SAMD15: variants seen among roughly 807,000 people sequenced by gnomAD.
SAMD15 encodes the protein sterile alpha motif domain containing 15.
Under a neutral mutation model 50.5 loss-of-function variants are expected in SAMD15, and 37 were observed. The ratio of observed to expected loss-of-function variants is 0.73; its 90% CI spans 0.56 to 0.96. The LOEUF (loss-of-function observed/expected upper bound fraction) is 0.96, where lower values mean the gene tolerates loss of function less well. Ranked by LOEUF, SAMD15 falls within the 40% of genes least tolerant of loss-of-function variation. The pLI, the probability that SAMD15 is intolerant of heterozygous loss-of-function variation, is 0.00. For synonymous variants in SAMD15, 255 were observed against 282.8 expected (o/e 0.90, Z 0.99); for missense variants, 789 against 783.8 (o/e 1.01, Z -0.08).
At chr14:77,385,349 G>T (rs770798979) in intron 2 of SAMD15, among the ~76,000 whole-genome samples, 1 of 150,912 alleles carries the variant, frequency 6.6e-6, no homozygotes, top group South Asian at 2.1e-4. Context: ...GCAATGGCGC[G>T]ATCTCGGCTC....
At position 77,378,595 on chromosome 14, in the gene SAMD15, G is replaced by A. The variant is rs146296291; in HGVS notation, c.1177G>A (p.Glu393Lys). The stretch of plus-strand genomic sequence containing the variant: ...ACAGGAGATCAACCCACAAGTTGAA[G>A]AGAAAACACAAACAAAGCCAACTGA... The part of the protein sequence containing the change: ...LPQEINPQVE[E>K]KTQTKPTEKI... The change falls in exon 1 of 3, where the codon GAG becomes AAG. Residue 393 changes from glutamate to lysine, a missense_variant. Physicochemically the swap from Glu to Lys is moderately conservative, Grantham distance 56 (BLOSUM62 1). Around this residue, in one of 2 missense-constraint regions of SAMD15, gnomAD observed 770 missense variants for 745.4 expected, o/e 1.03. Coordinates refer to ENST00000216471, the MANE Select transcript of SAMD15 (RefSeq NM_001010860.4). The A allele has an allele frequency of 2.7e-4, 442 of 1,613,534 alleles. No individual in the cohort carries two copies. Among genetic ancestry groups the A allele is most frequent in the Non-Finnish European group, 3.5e-4 (415 of 1,179,954 alleles).
chr14:77,383,678 A>G (rs192205410), intron 2 of SAMD15, among the ~76,000 whole-genome samples: 1 of 152,268 alleles, frequency 6.6e-6, no homozygotes, highest in African/African-American at 2.4e-5. Flanking sequence ...ACCCACATGA[A>G]AAAGCTGATT....
intron 2 of SAMD15, among the ~76,000 whole-genome samples, chr14:77,381,028 G>A (rs763815125): frequency 6.6e-5 from 10 of 152,010 alleles, no homozygotes; most frequent in Non-Finnish European, 8.8e-5. Context: ...CTATGTCTTC[G>A]CTCAGTTCCC....
intron 2 of SAMD15, among the ~76,000 whole-genome samples, chr14:77,382,902 G>T (rs1248607648): frequency 6.6e-6 from 1 of 151,098 alleles, no homozygotes; most frequent in African/African-American, 2.4e-5. Context: ...TTTTAGTGGA[G>T]CCGGGGTTTC....
chr14:77,383,169 T>A (rs1893965723), intron 2 of SAMD15, among the ~76,000 whole-genome samples: 1 of 152,192 alleles, frequency 6.6e-6, no homozygotes, highest in South Asian at 2.1e-4. Flanking sequence ...TAGATAAAAA[T>A]AAGGAACAGG....
At chr14:77,390,318 A>C (rs1894057647) in intron 2 of SAMD15, among the ~76,000 whole-genome samples, 1 of 151,872 alleles carries the variant, frequency 6.6e-6, no homozygotes, top group South Asian at 2.1e-4. Context: ...TTTTTTTCTT[A>C]GTTACACATT....
chr14:77,390,115 T>G (rs1894054142), intron 2 of SAMD15, among the ~76,000 whole-genome samples: 1 of 151,594 alleles, frequency 6.6e-6, no homozygotes, highest in Non-Finnish European at 1.5e-5. Context: ...CCGGCCTCAG[T>G]CTCCTGGGTA....
At chr14:77,383,820 A>T (rs1893973521) in intron 2 of SAMD15, among the ~76,000 whole-genome samples, 1 of 151,994 alleles carries the variant, frequency 6.6e-6, no homozygotes, top group African/African-American at 2.4e-5. Flanking sequence ...ACAAAATAAA[A>T]AAATTAGCTA....
At position 77,391,686 on chromosome 14, in the gene SAMD15, T is replaced by C. The variant is rs573739218; in HGVS notation, c.*442T>C. Among the ~76,000 whole-genome samples the C allele has an allele frequency of 6.6e-6, 1 of 152,196 alleles. No homozygotes were observed. Among genetic ancestry groups the C allele is most frequent in the Non-Finnish European group, 1.5e-5 (1 of 68,038 alleles). On this transcript the variant is annotated 3_prime_UTR_variant, in exon 3 of 3. Coordinates refer to ENST00000216471, the MANE Select transcript of SAMD15 (RefSeq NM_001010860.4). The stretch of plus-strand genomic sequence containing the variant: ...TCCTAGTTGTGTCTCTGACTTATGG[T>C]ACCCTCCCTTTCTTTTTGCAATTTA...
At chr14:77,388,382 C>CGTGTGTGTGTGTGT (rs376913427) in intron 2 of SAMD15, among the ~76,000 whole-genome samples, 39 of 133,164 alleles carry the variant, frequency 2.9e-4, no homozygotes, top group African/African-American at 7.5e-4. Context: ...GCCACCTGTT[C>CGTGTGTGTGTGTGT]GTGTGTGTGT....
At position 77,391,805 on chromosome 14, in the gene SAMD15, G is replaced by T. The variant is rs2139655184; in HGVS notation, c.*561G>T. ...AAGGTGGCTCACACCTGTAATCCTA[G>T]CTCTTTGGGTGGCTGAGGCGGGCAG... On this transcript the variant is annotated 3_prime_UTR_variant, in exon 3 of 3. Coordinates refer to ENST00000216471, the MANE Select transcript of SAMD15 (RefSeq NM_001010860.4). Among the ~76,000 whole-genome samples, 2 of 152,238 alleles carry T rather than the reference G, an allele frequency of 1.3e-5. No individual in the cohort carries two copies. The highest frequency in any genetic ancestry group is 3.4e-3 in the Middle Eastern group (1 of 294).
intron 2 of SAMD15, among the ~76,000 whole-genome samples, chr14:77,384,393 T>C (rs141262853): frequency 6.6e-6 from 1 of 152,354 alleles, no homozygotes; most frequent in East Asian, 1.9e-4. Context: ...TGTAAGGAAT[T>C]CTTCTACATT....
intron 2 of SAMD15, among the ~76,000 whole-genome samples, chr14:77,388,893 C>G (rs541794784): frequency 1.8e-3 from 269 of 152,186 alleles, no homozygotes; most frequent in African/African-American, 6.3e-3. Context: ...CCTCACCTGG[C>G]CTTTGTAGTA....
chr14:77,378,537 A>G lies in SAMD15; in HGVS notation c.1119A>G (p.Pro373=), dbSNP rs1381036359. 6.2e-7 allele frequency: 1 copy of G among 1,613,588 alleles called. No homozygotes were observed. The highest frequency in any genetic ancestry group is 1.7e-5 in the Admixed American group (1 of 59,874). ...EIRKSNEKKN[P]QPPEETGPVL... ...GAAAGTCAAATGAGAAAAAAAATCC[A>G]CAGCCACCAGAGGAGACTGGTCCAG... The change falls in exon 1 of 3, where the codon CCA becomes CCG. Residue 373 remains proline, a synonymous_variant. Transcript: ENST00000216471.
In SAMD15 at chr14:77,380,315, C is replaced by T. The variant is rs1352297276; in HGVS notation, c.1690-68C>T. ...CAAACACGACTTCTTCCCTTCCTCC[C>T]CCTTCCCTCCCTTTCTTCCTTCTAT... is the stretch of plus-strand genomic sequence containing the variant. On this transcript the variant is annotated intron_variant, in intron 1 of 2. Transcript: ENST00000216471. 33 of 946,492 alleles carry T rather than the reference C, an allele frequency of 3.5e-5. No homozygotes were observed. The Admixed American group carries it at 5.8e-4, about 17-fold the overall frequency. 58.6% of individuals were successfully genotyped at this position (946,492 alleles called of 1,614,324 possible). A position where few individuals can be genotyped will look rare whatever the true frequency, so the allele number is the denominator to read the frequency against.
In SAMD15 at chr14:77,377,952, G is replaced by C. The variant is rs773696626; in HGVS notation, c.534G>C (p.Glu178Asp). The C allele has an allele frequency of 6.2e-7, 1 of 1,613,932 alleles. No homozygotes were observed. Among genetic ancestry groups the C allele is most frequent in the Non-Finnish European group, 8.5e-7 (1 of 1,180,012 alleles). Residue 178 changes from glutamate (E) to aspartate (D), a missense_variant, in exon 1 of 3, where the codon GAG becomes GAC. Around this residue, in one of 2 missense-constraint regions of SAMD15, gnomAD observed 770 missense variants for 745.4 expected, o/e 1.03. Transcript: ENST00000216471. Reference sequence around the variant, plus strand: ...AGGTTTCGGGGGCCACAGTCAGAGAGAGAAATTTAGAATTACTAGAGGAGG... The same window carrying C: ...AGGTTTCGGGGGCCACAGTCAGAGACAGAAATTTAGAATTACTAGAGGAGG... ...MSEVSGATVR[E>D]RNLELLEEET...
At chr14:77,382,130 GT>G (rs765891920) in intron 2 of SAMD15, among the ~76,000 whole-genome samples, 82 of 134,228 alleles carry the variant, frequency 6.1e-4, no homozygotes, top group African/African-American at 9.3e-4. Flanking sequence ...TTTTTTTGGG[GT>G]TTTTTTTTTT....
rs549764923 is a variant in SAMD15, at chr14:77,382,085, C to T, written c.1788+1604C>T. 1.1e-4 allele frequency among the ~76,000 whole-genome samples: 16 copies of T among 150,474 alleles called. No individual in the cohort carries two copies. The East Asian group carries it at 2.7e-3, about 26-fold the overall frequency. On this transcript the variant is annotated intron_variant, in intron 2 of 2. Transcript: ENST00000216471. ...CCAAGTAGCTGGGACTACAGGTGTGCGCAACCATGCCCAGCTAATTTTTTC... is the reference window on the plus strand; with the variant it reads ...CCAAGTAGCTGGGACTACAGGTGTGTGCAACCATGCCCAGCTAATTTTTTC...
Position 77,379,127 on chromosome 14 carries a change from TTTGAA to T in SAMD15, c.1689+21_1689+25del. The T allele has an allele frequency of 1.2e-6, 2 of 1,601,362 alleles. No homozygotes were observed. The highest frequency in any genetic ancestry group is 1.7e-6 in the Non-Finnish European group (2 of 1,173,468). On this transcript the variant is annotated intron_variant, in intron 1 of 2. Coordinates refer to ENST00000216471, the MANE Select transcript of SAMD15 (RefSeq NM_001010860.4). ...TACAAGGTATACAAAAATAAGATGT[TTTGAA>T]ATCACATGCTGTCATCCGTCTACTT...
Sources: allele counts gnomAD v4.1 joint callset (sites outside exome capture counted in the v4.1 genomes callset), GRCh38; gene constraint gnomAD v4.1.1; regional missense constraint gnomAD v4.1.1; transcripts MANE v1.5; gene names NCBI Gene and HGNC (gene_info 2026-07-23, HGNC 2026-07-21).